Variants in CNOT4 observed in about 807,000 individuals in gnomAD.
The protein encoded by CNOT4 is CCR4-NOT transcription complex subunit 4.
In CNOT4, 8 loss-of-function variants were observed where a neutral mutation model predicts 73.8. The observed-to-expected ratio is 0.11, with a 90% CI of 0.06 to 0.20. The LOEUF (loss-of-function observed/expected upper bound fraction) is 0.20, where lower values mean the gene tolerates loss of function less well. Among genes scored for constraint, CNOT4 ranks in the 10% least tolerant of loss-of-function variants. The pLI is 1.00. For missense variants in CNOT4, 564 were observed against 883.4 expected (o/e 0.64, Z 4.58); for synonymous variants, 293 against 321.1 (o/e 0.91, Z 0.94).
chr7:135,440,140 G>T (rs182523888), intron 1 of CNOT4, among the ~76,000 whole-genome samples: 1 of 145,220 alleles, frequency 6.9e-6, no homozygotes, highest in African/African-American at 2.5e-5. Context: ...CAGAGTAAAA[G>T]ATACATTTGC....
chr7:135,490,314 G>T (rs770849257), intron 1 of CNOT4, among the ~76,000 whole-genome samples: 2 of 152,180 alleles, frequency 1.3e-5, no homozygotes, highest in Non-Finnish European at 2.9e-5. Context: ...CAAATAGAGC[G>T]AAAAGTCCTA....
At chr7:135,426,486 C>A (rs1447990974) in intron 2 of CNOT4, among the ~76,000 whole-genome samples, 2 of 151,616 alleles carry the variant, frequency 1.3e-5, no homozygotes, top group Non-Finnish European at 2.9e-5. Flanking sequence ...ACCTGTAGTC[C>A]CAGCTACTCA....
chr7:135,487,042 T>G lies in CNOT4; in HGVS notation c.-93+22847A>C, dbSNP rs73158956. Among the ~76,000 whole-genome samples the G allele has an allele frequency of 5.2e-3, 796 of 152,294 alleles. 6 individuals are homozygous for G. The highest frequency in any genetic ancestry group is 0.031 in the Middle Eastern group (9 of 294). On this transcript the variant is annotated intron_variant, in intron 1 of 11. Transcript: ENST00000541284. ...AATGTGAACTTTTATGACTTTGCTA[T>G]TTTCTTACATCCCCAAATTCCTATT...
intron 2 of CNOT4, among the ~76,000 whole-genome samples, chr7:135,435,554 C>T (rs893122604): frequency 1.3e-5 from 2 of 152,152 alleles, no homozygotes. Flanking sequence ...ATATGACATT[C>T]CCTCTTTCCT....
At chr7:135,465,675 T>C (rs1236934872) in intron 1 of CNOT4, among the ~76,000 whole-genome samples, 2 of 151,840 alleles carry the variant, frequency 1.3e-5, no homozygotes, top group Non-Finnish European at 2.9e-5. Context: ...AAGACAATGG[T>C]GATGATCCTG....
intron 3 of CNOT4, 111 bp from the exon 4 acceptor site, chr7:135,415,373 A>C: frequency 1.7e-6 from 1 of 572,870 alleles, no homozygotes; most frequent in East Asian, 3.0e-5. Flanking sequence ...GATAATTTTT[A>C]AAGTTTTCTA....
intron 10 of CNOT4, chr7:135,389,031 A>G (rs1209908166): frequency 2.7e-6 from 2 of 749,666 alleles, no homozygotes; most frequent in East Asian, 2.9e-5. Context: ...GTGTGAAACA[A>G]GACATGAATT....
intron 3 of CNOT4, among the ~76,000 whole-genome samples, chr7:135,418,980 C>A (rs74941736): frequency 2.6e-5 from 4 of 152,104 alleles, no homozygotes; most frequent in African/African-American, 9.7e-5. Flanking sequence ...CTACTTCCCC[C>A]CTACCCGCCC....
chr7:135,373,290 A>G (rs1249833457), intron 10 of CNOT4, among the ~76,000 whole-genome samples: 1 of 152,268 alleles, frequency 6.6e-6, no homozygotes. Context: ...AGGCAGGGCA[A>G]TGTAGTTCCA....
rs146701531 is a variant in CNOT4, at chr7:135,495,347, A to C, written c.-93+14542T>G. 3.3e-5 allele frequency among the ~76,000 whole-genome samples: 5 copies of C among 152,072 alleles called. No homozygotes were observed. The East Asian group carries it at 5.8e-4, about 18-fold the overall frequency. On this transcript the variant is annotated intron_variant, in intron 1 of 11. Coordinates refer to ENST00000541284, the MANE Select transcript of CNOT4 (RefSeq NM_001190850.2). ...TGGTGAAACCCTGTCTCTACTAAAA[A>C]TACAAAAATTAGCCGGGTATGGTGG... is the stretch of plus-strand genomic sequence containing the variant.
intron 2 of CNOT4, among the ~76,000 whole-genome samples, chr7:135,437,212 C>T (rs754500071): frequency 2.0e-5 from 3 of 150,084 alleles, no homozygotes; most frequent in Admixed American, 1.3e-4. Flanking sequence ...TTTTTTGAGA[C>T]GGAGTCTCGC....
intron 1 of CNOT4, among the ~76,000 whole-genome samples, chr7:135,457,457 G>A (rs976593070): frequency 3.9e-5 from 6 of 152,004 alleles, no homozygotes; most frequent in Non-Finnish European, 8.8e-5. Flanking sequence ...ATCTCGCATT[G>A]TAAGGGATAT....
intron 2 of CNOT4, among the ~76,000 whole-genome samples, chr7:135,431,558 A>G (rs1798843507): frequency 6.6e-6 from 1 of 152,134 alleles, no homozygotes; most frequent in South Asian, 2.1e-4. Context: ...CCTGGCTAAC[A>G]TGGTGAAACC....
At chr7:135,391,610 T>C (rs1413638717) in intron 10 of CNOT4, among the ~76,000 whole-genome samples, 4 of 152,060 alleles carry the variant, frequency 2.6e-5, no homozygotes, top group Non-Finnish European at 4.4e-5. Context: ...TCCCCAAAGA[T>C]AGGACCATAA....
rs1585533984 is a variant in CNOT4 at position 135,363,288 on chromosome 7, G to A, written c.1841-102C>T. The A allele has an allele frequency of 9.6e-7, 1 of 1,040,342 alleles. No homozygotes were observed. Among genetic ancestry groups the A allele is most frequent in the Non-Finnish European group, 1.4e-6 (1 of 691,374 alleles). The allele number at this position is 1,040,342 out of a possible 1,614,324, so 64.4% of individuals were successfully genotyped here. On this transcript the variant is annotated intron_variant, in intron 11 of 11. Coordinates refer to ENST00000541284, the MANE Select transcript of CNOT4 (RefSeq NM_001190850.2). This position sits in a 1 kb window ranked among gnomAD's most constrained non-coding sequence, Gnocchi z 4.3. ...AGCAAAACCAAAAGGAAAGACAGAA[G>A]AGATTACAATTTTAAACTCCTTCCA... is the stretch of plus-strand genomic sequence containing the variant.
At chr7:135,393,420 T>C (rs983422836) in intron 10 of CNOT4, among the ~76,000 whole-genome samples, 3 of 152,210 alleles carry the variant, frequency 2.0e-5, no homozygotes, top group African/African-American at 7.2e-5. Flanking sequence ...TTCTCAAGTA[T>C]ATTTATAGCT....
intron 3 of CNOT4, among the ~76,000 whole-genome samples, chr7:135,421,199 A>G (rs3812288): frequency 0.22 from 33,434 of 152,066 alleles, 4,248 homozygotes; most frequent in East Asian, 0.51. Flanking sequence ...AATTTTTACA[A>G]AAACAGACAT....
At chr7:135,422,507 T>C (rs1238127854) in intron 2 of CNOT4, among the ~76,000 whole-genome samples, 154 bp from the exon 3 acceptor site, 1 of 152,184 alleles carries the variant, frequency 6.6e-6, no homozygotes, top group Non-Finnish European at 1.5e-5. Flanking sequence ...TTTTATTTAA[T>C]AAAAGACAAA....
intron 2 of CNOT4, among the ~76,000 whole-genome samples, chr7:135,434,659 A>C (rs1361724572): frequency 1.3e-5 from 2 of 152,178 alleles, no homozygotes; most frequent in African/African-American, 2.4e-5. Context: ...ACTATATGCT[A>C]ACTGACACCA....
Sources: gnomAD v4.1 joint callset for allele counts (sites outside exome capture counted in the v4.1 genomes callset) on GRCh38, gnomAD v4.1.1 for gene constraint, Gnocchi (gnomAD v3.1) non-coding constraint, MANE v1.5 for transcripts, NCBI Gene and HGNC (gene_info 2026-07-23, HGNC 2026-07-21) for gene names.